The following PDE1B variants were observed in gnomAD, a reference collection of about 807,000 sequenced individuals.
The protein encoded by PDE1B is dual specificity calcium/calmodulin-dependent 3',5'-cyclic nucleotide phosphodiesterase 1B.
A neutral mutation model predicts 66.7 loss-of-function variants in PDE1B; 13 were observed. The observed-to-expected ratio is 0.19, with a 90% CI of 0.13 to 0.31. The LOEUF is 0.31. Ranked by LOEUF, PDE1B falls within the 10% of genes least tolerant of loss-of-function variation. The pLI is 1.00. For synonymous variants in PDE1B, 230 were observed against 253.9 expected, an observed-to-expected ratio of 0.91 and a Z score of 0.90; for missense variants, 485 against 682.3, an observed-to-expected ratio of 0.71 and a Z score of 3.22.
intron 2 of PDE1B, among the ~76,000 whole-genome samples, chr12:54,564,330 TAAAAAA>T (rs35068189): frequency 7.2e-6 from 1 of 139,312 alleles, no homozygotes; most frequent in Non-Finnish European, 1.6e-5. Context: ...CCTTGTCTCT[TAAAAAA>T]AAAAAAAAAA....
At chr12:54,559,015 C>A (rs1208584791) in intron 2 of PDE1B, among the ~76,000 whole-genome samples, 2 of 152,136 alleles carry the variant, frequency 1.3e-5, no homozygotes, top group Admixed American at 6.5e-5. Context: ...CAAGGTCACA[C>A]ATAGTAATAA....
chr12:54,575,415 A>C lies in PDE1B; in HGVS notation c.1186-136A>C, dbSNP rs1249470131. The C allele has an allele frequency of 2.6e-6, 2 of 772,114 alleles. No individual in the cohort carries two copies. The highest frequency in any genetic ancestry group is 4.6e-6 in the Non-Finnish European group (2 of 438,082). The allele number at this position is 772,114 out of a possible 1,614,324, so 47.8% of individuals were successfully genotyped here. ...TTTCATTTGCATATATTTCATTTGCATATTACTAATTTCCAGGTCAACAGT... is the reference window on the plus strand; with the variant it reads ...TTTCATTTGCATATATTTCATTTGCCTATTACTAATTTCCAGGTCAACAGT... On this transcript the variant is annotated intron_variant, in intron 11 of 15. Coordinates refer to ENST00000243052, the MANE Select transcript of PDE1B (RefSeq NM_000924.4). This position sits in a 1 kb window ranked among gnomAD's most constrained non-coding sequence, Gnocchi z 4.0.
chr12:54,570,442 C>A, intron 6 of PDE1B, 85 bp downstream of exon 6: 1 of 797,768 alleles, frequency 1.3e-6, no homozygotes, highest in Non-Finnish European at 2.2e-6. Context: ...CAAACAGATT[C>A]CATAGATCCC....
intron 15 of PDE1B, 51 bp from the exon 16 acceptor site, chr12:54,577,809 T>C: frequency 5.1e-6 from 2 of 391,034 alleles, no homozygotes; most frequent in Non-Finnish European, 9.0e-6. Context: ...AAGGTCAGGT[T>C]GGAGGTGAAG....
At chr12:54,552,110 C>A (rs571558539) in intron 2 of PDE1B, among the ~76,000 whole-genome samples, 1 of 152,316 alleles carries the variant, frequency 6.6e-6, no homozygotes, top group South Asian at 2.1e-4. Context: ...TAGATCCCAA[C>A]TTGATCTATG....
chr12:54,552,819 C>A (rs1404138854), intron 2 of PDE1B, among the ~76,000 whole-genome samples: 1 of 152,188 alleles, frequency 6.6e-6, no homozygotes, highest in East Asian at 1.9e-4. Flanking sequence ...TGATTTTCAG[C>A]ATCTGTAACC....
chr12:54,553,826 A>G (rs779840314), intron 2 of PDE1B, among the ~76,000 whole-genome samples: 39 of 152,206 alleles, frequency 2.6e-4, no homozygotes, highest in Admixed American at 2.6e-4. Context: ...GAGAGGATCC[A>G]GAAACTGTGG....
intron 3 of PDE1B, among the ~76,000 whole-genome samples, chr12:54,568,851 G>A (rs941435012): frequency 1.3e-5 from 2 of 151,954 alleles, no homozygotes; most frequent in African/African-American, 4.8e-5. Context: ...CCTTTTTAAC[G>A]TGGCCTACTA....
At chr12:54,559,937 C>T (rs550164463) in intron 2 of PDE1B, among the ~76,000 whole-genome samples, 6 of 152,316 alleles carry the variant, frequency 3.9e-5, no homozygotes, top group African/African-American at 1.4e-4. Context: ...GACCTGTCCT[C>T]ATCTCCTGGG....
At chr12:54,577,430 CGA>C in intron 15 of PDE1B, 85 bp downstream of exon 15, 1 of 1,606,954 alleles carries the variant, frequency 6.2e-7, no homozygotes, top group East Asian at 2.2e-5. Context: ...CCAGTGGATG[CGA>C]CATTCTCTCT....
At position 54,572,727 on chromosome 12, in the gene PDE1B, C is replaced by G; in HGVS notation, c.721C>G (p.Arg241Gly). 1.9e-6 allele frequency: 3 copies of G among 1,614,150 alleles called. No individual in the cohort carries two copies. The highest frequency in any genetic ancestry group is 2.5e-6 in the Non-Finnish European group (3 of 1,179,966). ...VTQTVHCFLL[R>G]TGMVHCLSEI... is the part of the protein sequence containing the mutation. ...CCAGACAGTCCATTGCTTCTTGCTC[C>G]GCACAGGGATGGTGGTAGGTGCCCT... is the stretch of plus-strand genomic sequence containing the variant. Residue 241 changes from arginine to glycine, a missense_variant, in exon 7 of 16, where the codon CGC becomes GGC. Physicochemically the swap from Arg to Gly is moderately radical, Grantham distance 125. This residue lies in a region of PDE1B where 282 missense variants were observed against 453.4 expected (regional missense o/e 0.62). Transcript: ENST00000243052.
intron 2 of PDE1B, among the ~76,000 whole-genome samples, chr12:54,553,411 G>A (rs556182345): frequency 2.6e-5 from 4 of 152,050 alleles, no homozygotes; most frequent in African/African-American, 4.8e-5. Flanking sequence ...CACATGGTAC[G>A]CACTCGGGAC....
rs559628635 is a variant in PDE1B, at chr12:54,569,836, A to G, written c.477+224A>G. Reference sequence around the variant, plus strand: ...TGCCTCAGCCTCCTGAGTAGCTGGGATTACAGGTGCCCACCACCATGCCCA... The same window carrying G: ...TGCCTCAGCCTCCTGAGTAGCTGGGGTTACAGGTGCCCACCACCATGCCCA... On this transcript the variant is annotated intron_variant, in intron 5 of 15. Coordinates refer to ENST00000243052, the MANE Select transcript of PDE1B (RefSeq NM_000924.4). The surrounding 1 kb of genome is among the most constrained non-coding windows in gnomAD (Gnocchi z 4.4). Among the ~76,000 whole-genome samples, 2 of 151,706 alleles carry G rather than the reference A, an allele frequency of 1.3e-5. No homozygotes were observed. The highest frequency in any genetic ancestry group is 4.8e-5 in the African/African-American group (2 of 41,282).
Position 54,576,082 on chromosome 12 carries a change from A to T in PDE1B, c.1358A>T (p.Lys453Met). 1 of 1,611,630 alleles carries T rather than the reference A, an allele frequency of 6.2e-7. No individual in the cohort carries two copies. Among genetic ancestry groups the T allele is most frequent in the Non-Finnish European group, 8.5e-7 (1 of 1,177,698 alleles). ...CAGCCCCTGGCGGATGAGGACTCCAAGTCTAAAAACCAGCCCAGGTGAGGG... is the reference window on the plus strand; with the variant it reads ...CAGCCCCTGGCGGATGAGGACTCCATGTCTAAAAACCAGCCCAGGTGAGGG... Reference protein sequence around the residue: ...SVQPLADEDSKSKNQPSFQWR... With the variant: ...SVQPLADEDSMSKNQPSFQWR... The change falls in exon 13 of 16, where the codon AAG (lysine) becomes ATG (methionine). Residue 453 changes from lysine to methionine, a missense_variant. This residue lies in a region of PDE1B where 126 missense variants were observed against 133.8 expected (regional missense o/e 0.94). Transcript: ENST00000243052.
In PDE1B at chr12:54,578,306, C is replaced by T. The variant is rs1030988137; in HGVS notation, c.*464C>T. 6.6e-6 allele frequency: 1 copy of T among 152,238 alleles called. No individual in the cohort carries two copies. Among genetic ancestry groups the T allele is most frequent in the Non-Finnish European group, 1.5e-5 (1 of 68,074 alleles). 9.4% of individuals were successfully genotyped at this position (152,238 alleles called of 1,614,324 possible). A position where few individuals can be genotyped will look rare whatever the true frequency, so the allele number is the denominator to read the frequency against. On this transcript the variant is annotated 3_prime_UTR_variant, in exon 16 of 16. Coordinates refer to ENST00000243052, the MANE Select transcript of PDE1B (RefSeq NM_000924.4). ...GCTGGCAGGTCTGGGTGCCCCTTTT[C>T]CTCCCCTGGGAAGGGCTGGAATAGG...
At chr12:54,577,532 T>A in intron 15 of PDE1B, 187 bp downstream of exon 15, 1 of 1,556,668 alleles carries the variant, frequency 6.4e-7, no homozygotes, top group African/African-American at 1.4e-5. Flanking sequence ...CGCTCTTCTG[T>A]CCCCCAGTCC....
intron 6 of PDE1B, 125 bp downstream of exon 6, chr12:54,570,482 C>T (rs999890084): frequency 8.7e-6 from 6 of 692,398 alleles, no homozygotes; most frequent in Non-Finnish European, 1.3e-5. Flanking sequence ...AGGGAAGTCT[C>T]CCCATGCCCA....
At chr12:54,577,145 A>T in intron 14 of PDE1B, 80 bp from the exon 15 acceptor site, 2 of 1,166,800 alleles carry the variant, frequency 1.7e-6, no homozygotes, top group South Asian at 1.4e-5. Context: ...AGAATCCCTT[A>T]CATGTCTCCA....
At chr12:54,571,311 T>TA (rs1161061838) in intron 6 of PDE1B, 1 of 152,282 alleles carries the variant, frequency 6.6e-6, no homozygotes, top group Non-Finnish European at 1.5e-5. Context: ...AGCTGAAATT[T>TA]TCTTAAGTGC....
Sources: allele counts gnomAD v4.1 joint callset (sites outside exome capture counted in the v4.1 genomes callset), GRCh38; gene constraint gnomAD v4.1.1; regional missense constraint gnomAD v4.1.1; non-coding constraint Gnocchi (gnomAD v3.1); transcripts MANE v1.5; gene names NCBI Gene and HGNC (gene_info 2026-07-23, HGNC 2026-07-21).